The following ZBTB25 variants were observed in gnomAD, a reference collection of about 807,000 sequenced individuals.
ZBTB25 encodes the protein zinc finger and BTB domain containing 25.
A neutral mutation model predicts 34.2 loss-of-function variants in ZBTB25; 20 were observed. That is an observed-to-expected ratio of 0.58 (90% confidence interval 0.41 to 0.85). ZBTB25 has a LOEUF of 0.85. Among genes scored for constraint, ZBTB25 ranks in the 40% least tolerant of loss-of-function variants. The pLI, the probability that ZBTB25 is intolerant of heterozygous loss-of-function variation, is 0.00. For synonymous variants in ZBTB25, 175 were observed against 186.4 expected (o/e 0.94, Z 0.50); for missense variants, 437 against 521.8 (o/e 0.84, Z 1.58).
intron 2 of ZBTB25, among the ~76,000 whole-genome samples, chr14:64,489,949 T>C (rs1037658239): frequency 8.6e-5 from 13 of 151,452 alleles, no homozygotes; most frequent in African/African-American, 3.2e-4. Flanking sequence ...GGCTCATGCC[T>C]GTAATCCCAG....
chr14:64,469,334 G>A lies in ZBTB25; in HGVS notation c.174-19696C>T, dbSNP rs34433837. The A allele has an allele frequency of 1.4e-3, 2,297 of 1,613,724 alleles. 23 individuals carry two copies. In the African/African-American group the frequency reaches 0.027, roughly 19 times the overall value. On this transcript the variant is annotated intron_variant, in intron 2 of 2. Transcript: ENST00000555220. ...GCCAAAAGATACTGAATTGAGCCAA[G>A]AATCAGATTTTAAAGAAAATGGGAT...
At chr14:64,468,374 G>A in intron 2 of ZBTB25, 8 of 1,571,692 alleles carry the variant, frequency 5.1e-6, no homozygotes, top group Non-Finnish European at 6.9e-6. Flanking sequence ...GTTTTCTAGA[G>A]AATAAGAGTG....
intron 2 of ZBTB25, chr14:64,455,044 T>C: frequency 4.3e-6 from 3 of 701,150 alleles, no homozygotes; most frequent in Non-Finnish European, 7.7e-6. Context: ...GCAGGAGCTA[T>C]ATAGCTCTTG....
chr14:64,449,741 C>T, intron 2 of ZBTB25: 9 of 1,203,304 alleles, frequency 7.5e-6, no homozygotes, highest in Non-Finnish European at 4.7e-6. Flanking sequence ...GGTTTGATTC[C>T]CACGTAGGTG....
In ZBTB25 at chr14:64,449,249, G is replaced by T; in HGVS notation, c.*302C>A. ...CGCGTATTACCAGGGTGGAAATTGA[G>T]GCACATAAAGATTAGGTAACTGGCC... On this transcript the variant is annotated 3_prime_UTR_variant, in exon 3 of 3. Coordinates refer to the ZBTB25 transcript ENST00000555220. The T allele has an allele frequency of 1.4e-5, 9 of 646,330 alleles. No homozygotes were observed. In the South Asian group the frequency reaches 1.6e-4, roughly 11 times the overall value. The allele number at this position is 646,330 out of a possible 1,614,324, so 40.0% of individuals were successfully genotyped here.
chr14:64,476,653 A>G (rs1461056519), downstream of ZBTB25, among the ~76,000 whole-genome samples: 2 of 152,200 alleles, frequency 1.3e-5, no homozygotes, highest in African/African-American at 4.8e-5. Flanking sequence ...TCCTGACAGA[A>G]TGACTAAGTT....
rs374600794 is a variant in ZBTB25 at position 64,487,350 on chromosome 14, C to T, written c.881G>A (p.Cys294Tyr). The T allele has an allele frequency of 7.1e-5, 114 of 1,614,056 alleles. No homozygotes were observed. The highest frequency in any genetic ancestry group is 6.6e-4 in the Middle Eastern group (4 of 6,062). The change falls in exon 3 of 3, where the codon TGC becomes TAC. Residue 294 changes from cysteine to tyrosine, a missense_variant. Physicochemically the swap from Cys to Tyr is radical, Grantham distance 194. Transcript: ENST00000608382. The part of the protein sequence containing the change: ...PLNENSEALE[C>Y]RRLSSFIVKE... ...AACAATGAAGGAGCTGAGCCTGCGG[C>T]ATTCAAGGGCCTCGCTGTTTTCATT... is the stretch of plus-strand genomic sequence containing the variant.
intron 1 of ZBTB25, among the ~76,000 whole-genome samples, chr14:64,496,473 A>G (rs1199129827): frequency 2.6e-5 from 4 of 152,368 alleles, no homozygotes; most frequent in Admixed American, 2.6e-4. Context: ...CCTGGGCTAC[A>G]GAGCGAGACT....
At chr14:64,449,453 C>A in exon 3 of ZBTB25, 3 of 1,613,428 alleles carry the variant, frequency 1.9e-6, no homozygotes, top group Non-Finnish European at 2.5e-6. Context: ...AGGACGGATA[C>A]AGAGTCTGAG....
intron 2 of ZBTB25, chr14:64,454,879 A>G: frequency 1.9e-6 from 3 of 1,614,182 alleles, no homozygotes; most frequent in African/African-American, 1.3e-5. Flanking sequence ...AGGAACGGTA[A>G]GTGCATGCTG....
At chr14:64,465,124 AGAG>A (rs761400897) in intron 2 of ZBTB25, among the ~76,000 whole-genome samples, 59 of 152,268 alleles carry the variant, frequency 3.9e-4, no homozygotes, top group African/African-American at 1.3e-3. Context: ...GAGGGGGAGG[AGAG>A]GAGATGTGTA....
intron 1 of ZBTB25, chr14:64,502,718 G>C: frequency 1.0e-6 from 1 of 985,612 alleles, no homozygotes; most frequent in Non-Finnish European, 1.2e-6. Flanking sequence ...GCATGGTGGA[G>C]AGTGCAATCA....
At position 64,479,417 on chromosome 14, in the gene ZBTB25, G is replaced by C. The variant is rs1454481958; in HGVS notation, c.*7506C>G. The C allele has an allele frequency of 6.6e-6, 1 of 152,120 alleles. No homozygotes were observed. Among genetic ancestry groups the C allele is most frequent in the Non-Finnish European group, 1.5e-5 (1 of 68,050 alleles). 9.4% of individuals were successfully genotyped at this position (152,120 alleles called of 1,614,324 possible). ...CCACATCGTCAAATGTCTCTATGGG[G>C]GGGGATAGCCCTGTGTAATGTTTAA... On this transcript the variant is annotated 3_prime_UTR_variant, in exon 3 of 3. Coordinates refer to ENST00000608382, the MANE Select transcript of ZBTB25 (RefSeq NM_006977.5).
chr14:64,492,594 G>A (rs8022447), intron 1 of ZBTB25, among the ~76,000 whole-genome samples: 123,372 of 150,662 alleles, frequency 0.82, 50,619 homozygotes, highest in East Asian at 0.89. Context: ...AGCCTGATAA[G>A]TTGTCTCAAA....
chr14:64,488,120 C>G, intron 2 of ZBTB25, 63 bp from the exon 3 acceptor site: 1 of 1,556,694 alleles, frequency 6.4e-7, no homozygotes, highest in Admixed American at 1.8e-5. Flanking sequence ...TTTCAGTTAA[C>G]AGTATAGTCT....
chr14:64,487,599 T>C lies in ZBTB25; in HGVS notation c.632A>G (p.Glu211Gly), dbSNP rs1473408727. The C allele has an allele frequency of 1.2e-6, 2 of 1,606,716 alleles. No individual in the cohort carries two copies. The highest frequency in any genetic ancestry group is 1.7e-6 in the Non-Finnish European group (2 of 1,175,646). ...VSIKQERCDP[E>G]SVISQSHPSP... ...GGGGTGGCTCTGGGAGATCACAGAT[T>C]CTGGGTCACATCTCTCCTGCTTGAT... Residue 211 changes from glutamate to glycine, a missense_variant, in exon 3 of 3, where the codon GAA (glutamate) becomes GGA (glycine). Physicochemically the swap from Glu to Gly is moderately conservative, Grantham distance 98. Coordinates refer to ENST00000608382, the MANE Select transcript of ZBTB25 (RefSeq NM_006977.5).
At chr14:64,492,278 C>T (rs957648222) in intron 1 of ZBTB25, among the ~76,000 whole-genome samples, 8 of 152,026 alleles carry the variant, frequency 5.3e-5, no homozygotes, top group Admixed American at 5.2e-4. Context: ...TCCATCTCGG[C>T]TTACTGCAAC....
chr14:64,484,206 ACT>A lies in ZBTB25; in HGVS notation c.*2715_*2716del, dbSNP rs1429073691. The A allele has an allele frequency of 6.6e-6, 1 of 152,180 alleles. No homozygotes were observed. Among genetic ancestry groups the A allele is most frequent in the Non-Finnish European group, 1.5e-5 (1 of 68,028 alleles). 9.4% of individuals were successfully genotyped at this position (152,180 alleles called of 1,614,324 possible). A position where few individuals can be genotyped will look rare whatever the true frequency, so the allele number is the denominator to read the frequency against. ...AATACAGTTAACCACTATTTTCTTAACTCTCAACGAACAGATATATTTCTGCT... is the reference window on the plus strand; with the variant it reads ...AATACAGTTAACCACTATTTTCTTAACTCAACGAACAGATATATTTCTGCT... On this transcript the variant is annotated 3_prime_UTR_variant, in exon 3 of 3. Transcript: ENST00000608382.
chr14:64,499,694 A>G (rs1194434904), intron 1 of ZBTB25: 1 of 152,236 alleles, frequency 6.6e-6, no homozygotes, highest in Non-Finnish European at 1.5e-5. Context: ...GGAAAAAGAA[A>G]TATTTACTCT....
Sources: gnomAD v4.1 joint callset for allele counts (sites outside exome capture counted in the v4.1 genomes callset) on GRCh38, gnomAD v4.1.1 for gene constraint, MANE v1.5 for transcripts, NCBI Gene and HGNC (gene_info 2026-07-23, HGNC 2026-07-21) for gene names.